Variants in ZNF148 observed in about 807,000 individuals in gnomAD.
The protein encoded by ZNF148 is Beta-Enolase Repressor Factor-1.
Under a neutral mutation model 67.7 loss-of-function variants are expected in ZNF148, and 7 were observed. The ratio of observed to expected loss-of-function variants is 0.10; its 90% CI spans 0.06 to 0.19. The LOEUF is 0.19. ZNF148 is among the 10% of genes least tolerant of loss of function. The pLI is 1.00. For synonymous variants in ZNF148, 333 were observed against 330.7 expected (o/e 1.01, Z -0.08); for missense variants, 583 against 947.1 (o/e 0.62, Z 5.05).
rs555447022 is a variant in ZNF148, at chr3:125,255,300, G to C, written c.668-20971C>G. ...CTGGCTCTGTTGCCCAGGCTGGAGT[G>C]CAGTGGCACAATCTTGGCTCACTGC... On this transcript the variant is annotated intron_variant, in intron 7 of 8. Coordinates refer to ENST00000360647, the MANE Select transcript of ZNF148 (RefSeq NM_021964.3). Among the ~76,000 whole-genome samples, 5 of 128,648 alleles carry C rather than the reference G, an allele frequency of 3.9e-5. No individual in the cohort carries two copies. In the South Asian group the frequency reaches 1.3e-3, roughly 32 times the overall value. The allele number at this position is 128,648 out of a possible 152,430, so 84.4% of individuals were successfully genotyped here.
intron 1 of ZNF148, among the ~76,000 whole-genome samples, chr3:125,336,677 C>CTTTTTTTTTTTTTTT (rs71148176): frequency 2.4e-4 from 23 of 95,332 alleles, no homozygotes; most frequent in South Asian, 3.4e-4. Context: ...CAGAAATCAC[C>CTTTTTTTTTTTTTTT]TTTTTTTTTT....
chr3:125,259,343 A>G (rs1937233548), intron 7 of ZNF148, among the ~76,000 whole-genome samples: 1 of 152,242 alleles, frequency 6.6e-6, no homozygotes, highest in African/African-American at 2.4e-5. Flanking sequence ...AATGAAATAT[A>G]GCAGTGCCAA....
intron 3 of ZNF148, among the ~76,000 whole-genome samples, chr3:125,316,106 T>C (rs1940480475): frequency 6.6e-6 from 1 of 152,234 alleles, no homozygotes; most frequent in Non-Finnish European, 1.5e-5. Context: ...TGCATTTGTC[T>C]TTCTGTGCCT....
chr3:125,246,044 C>T (rs1936584411), intron 7 of ZNF148, among the ~76,000 whole-genome samples: 1 of 152,096 alleles, frequency 6.6e-6, no homozygotes, highest in Non-Finnish European at 1.5e-5. Context: ...TTCTTACCTC[C>T]ATAATCATTT....
intron 7 of ZNF148, among the ~76,000 whole-genome samples, chr3:125,240,591 T>C (rs1448211044): frequency 6.6e-6 from 1 of 151,870 alleles, no homozygotes; most frequent in Non-Finnish European, 1.5e-5. Context: ...CAGTGGACCC[T>C]GTATCTACAA....
At chr3:125,265,359 A>G (rs1579655225) in intron 7 of ZNF148, among the ~76,000 whole-genome samples, 1 of 152,300 alleles carries the variant, frequency 6.6e-6, no homozygotes, top group East Asian at 1.9e-4. Flanking sequence ...TAATAACAGC[A>G]CCTCAAAAGT....
intron 7 of ZNF148, among the ~76,000 whole-genome samples, chr3:125,250,620 T>C (rs1345475915): frequency 6.6e-6 from 1 of 152,230 alleles, no homozygotes; most frequent in Non-Finnish European, 1.5e-5. Context: ...ATTTAGCAAG[T>C]ATTAAGTTGT....
At chr3:125,371,564 C>T (rs1942885867) in intron 1 of ZNF148, among the ~76,000 whole-genome samples, 1 of 146,912 alleles carries the variant, frequency 6.8e-6, no homozygotes. Context: ...GAGGCTGAGG[C>T]AGGAGAATTG....
At chr3:125,266,217 A>C (rs913330052) in intron 7 of ZNF148, among the ~76,000 whole-genome samples, 2 of 152,168 alleles carry the variant, frequency 1.3e-5, no homozygotes, top group African/African-American at 4.8e-5. Flanking sequence ...CACTCGACCA[A>C]CTGGACCTAA....
chr3:125,342,046 G>A (rs11708180), intron 1 of ZNF148, among the ~76,000 whole-genome samples: 4,148 of 151,192 alleles, frequency 0.027, 92 homozygotes, highest in South Asian at 0.047. Context: ...TGAACTTGAG[G>A]ACAGAAAAGT....
chr3:125,260,447 A>G (rs961119650), intron 7 of ZNF148, among the ~76,000 whole-genome samples: 1 of 152,226 alleles, frequency 6.6e-6, no homozygotes, highest in Non-Finnish European at 1.5e-5. Flanking sequence ...AAAGCAATGA[A>G]TTATTGGTGC....
At chr3:125,249,884 G>GA (rs1325727672) in intron 7 of ZNF148, among the ~76,000 whole-genome samples, 2 of 152,180 alleles carry the variant, frequency 1.3e-5, no homozygotes, top group African/African-American at 4.8e-5. Context: ...CAATGTGGAT[G>GA]AATCTGGAGG....
At chr3:125,334,207 G>GCAGGTGGT (rs922344458) in intron 1 of ZNF148, among the ~76,000 whole-genome samples, 31 of 152,268 alleles carry the variant, frequency 2.0e-4, no homozygotes, top group African/African-American at 7.2e-4. Context: ...ATACTTACTA[G>GCAGGTGGT]CAGGTGGTCC....
chr3:125,244,682 G>A (rs146463376), intron 7 of ZNF148, among the ~76,000 whole-genome samples: 2 of 152,184 alleles, frequency 1.3e-5, no homozygotes, highest in African/African-American at 4.8e-5. Flanking sequence ...ATTACTAGTA[G>A]AGATGGGGTT....
At chr3:125,310,784 C>T (rs977233419) in intron 4 of ZNF148, 1 of 153,124 alleles carries the variant, frequency 6.5e-6, no homozygotes, top group Non-Finnish European at 1.5e-5. Context: ...TGAAAAAGTT[C>T]TAGAGATCTG....
At chr3:125,327,549 C>T (rs894696174) in intron 2 of ZNF148, among the ~76,000 whole-genome samples, 5 of 152,194 alleles carry the variant, frequency 3.3e-5, no homozygotes, top group South Asian at 2.1e-4. Flanking sequence ...AGCCGCACAA[C>T]GTGGCCCATG....
chr3:125,310,557 A>G (rs1940150380), intron 4 of ZNF148, among the ~76,000 whole-genome samples: 1 of 152,180 alleles, frequency 6.6e-6, no homozygotes, highest in Non-Finnish European at 1.5e-5. Context: ...AGGAAAGTAG[A>G]AAAAGAAGAG....
At chr3:125,238,398 C>T (rs1416973714) in intron 7 of ZNF148, among the ~76,000 whole-genome samples, 4 of 152,030 alleles carry the variant, frequency 2.6e-5, no homozygotes, top group Admixed American at 6.6e-5. Flanking sequence ...GAGGCAGAGG[C>T]GGGTGGATCA....
chr3:125,242,643 A>C (rs1936419456), intron 7 of ZNF148, among the ~76,000 whole-genome samples: 1 of 151,938 alleles, frequency 6.6e-6, no homozygotes, highest in South Asian at 2.1e-4. Flanking sequence ...AAACAAAAAC[A>C]AAAAAAACAA....
Sources: gnomAD v4.1 joint callset for allele counts (sites outside exome capture counted in the v4.1 genomes callset) on GRCh38, gnomAD v4.1.1 for gene constraint, MANE v1.5 for transcripts, NCBI Gene and HGNC (gene_info 2026-07-23, HGNC 2026-07-21) for gene names.